The following SLC10A7 variants were observed in gnomAD, a reference collection of about 807,000 sequenced individuals.
SLC10A7 encodes the protein solute carrier family 10 member 7.
Under a neutral mutation model 43.2 loss-of-function variants are expected in SLC10A7, and 29 were observed. The observed-to-expected ratio is 0.67, with a 90% confidence interval of 0.50 to 0.92. The LOEUF (loss-of-function observed/expected upper bound fraction) is 0.92, where lower values mean the gene tolerates loss of function less well. SLC10A7 is among the 40% of genes least tolerant of loss of function. The probability of loss-of-function intolerance (pLI) is 0.00; values close to 1 mark genes in which losing one functional copy is unlikely to be tolerated. For missense variants in SLC10A7, 295 were observed against 403.2 expected (o/e 0.73, Z 2.30); for synonymous variants, 152 against 144.8 (o/e 1.05, Z -0.35).
chr4:146,495,762 A>C (rs188961087), intron 4 of SLC10A7, among the ~76,000 whole-genome samples: 29 of 106,002 alleles, frequency 2.7e-4, no homozygotes, highest in South Asian at 1.1e-3. Flanking sequence ...CGTTGATGAA[A>C]GTAAACACAC....
intron 4 of SLC10A7, among the ~76,000 whole-genome samples, chr4:146,452,066 C>T (rs1731650830): frequency 6.6e-6 from 1 of 152,034 alleles, no homozygotes; most frequent in African/African-American, 2.4e-5. Context: ...AGCCTGACAC[C>T]ACCATGTTCC....
intron 4 of SLC10A7, among the ~76,000 whole-genome samples, chr4:146,486,015 C>T (rs569956945): frequency 6.6e-6 from 1 of 152,144 alleles, no homozygotes; most frequent in East Asian, 1.9e-4. Flanking sequence ...CTTTTCCCAG[C>T]CTTATGAAGT....
intron 4 of SLC10A7, among the ~76,000 whole-genome samples, chr4:146,490,023 A>T (rs1413397761): frequency 6.7e-6 from 1 of 148,396 alleles, no homozygotes; most frequent in Admixed American, 6.7e-5. Context: ...CAAAAATTCT[A>T]TTTTTTTTTT....
chr4:146,431,850 G>C (rs1031640414), intron 5 of SLC10A7, among the ~76,000 whole-genome samples: 1 of 152,022 alleles, frequency 6.6e-6, no homozygotes. Flanking sequence ...AAAATGAAAA[G>C]ATAAGCTACA....
intron 3 of SLC10A7, among the ~76,000 whole-genome samples, chr4:146,506,972 A>C (rs1328206945): frequency 1.3e-5 from 2 of 152,218 alleles, no homozygotes; most frequent in Admixed American, 6.5e-5. Flanking sequence ...ACAAGGAAAT[A>C]TTATAAAAAT....
intron 5 of SLC10A7, among the ~76,000 whole-genome samples, chr4:146,375,044 A>T (rs759275932): frequency 6.6e-6 from 1 of 151,992 alleles, no homozygotes; most frequent in Non-Finnish European, 1.5e-5. Flanking sequence ...TGTCTCTACT[A>T]AAAAAACAAA....
At chr4:146,396,154 T>C (rs1346417866) in intron 5 of SLC10A7, among the ~76,000 whole-genome samples, 1 of 152,172 alleles carries the variant, frequency 6.6e-6, no homozygotes, top group Non-Finnish European at 1.5e-5. Flanking sequence ...CTGGTATCAT[T>C]TGACATTTTG....
chr4:146,351,667 T>G (rs1402359715), intron 5 of SLC10A7, among the ~76,000 whole-genome samples: 1 of 151,780 alleles, frequency 6.6e-6, no homozygotes, highest in Non-Finnish European at 1.5e-5. Context: ...GGGAAGCCCA[T>G]CAGACTAACA....
At chr4:146,385,923 T>G (rs980205585) in intron 5 of SLC10A7, among the ~76,000 whole-genome samples, 3 of 152,204 alleles carry the variant, frequency 2.0e-5, no homozygotes, top group African/African-American at 4.8e-5. Flanking sequence ...GCTGCAGAAG[T>G]CATGATTTCT....
chr4:146,434,783 C>T (rs1360075963), intron 5 of SLC10A7, among the ~76,000 whole-genome samples: 1 of 152,070 alleles, frequency 6.6e-6, no homozygotes, highest in Non-Finnish European at 1.5e-5. Context: ...AGGCTGGTCT[C>T]GAACTCCTGA....
intron 7 of SLC10A7, among the ~76,000 whole-genome samples, chr4:146,295,634 G>C (rs1275896296): frequency 2.0e-5 from 3 of 152,136 alleles, no homozygotes; most frequent in Non-Finnish European, 2.9e-5. Flanking sequence ...TCCATGATCA[G>C]ATATGTCACT....
At chr4:146,264,741 C>T (rs1284491312) in intron 10 of SLC10A7, among the ~76,000 whole-genome samples, 7 of 152,264 alleles carry the variant, frequency 4.6e-5, no homozygotes, top group East Asian at 3.9e-4. Flanking sequence ...ACCCAAAGTT[C>T]GGGGATCATC....
At chr4:146,406,181 C>G (rs1340197217) in intron 5 of SLC10A7, among the ~76,000 whole-genome samples, 2 of 152,026 alleles carry the variant, frequency 1.3e-5, no homozygotes, top group African/African-American at 4.8e-5. Context: ...AAAGCTACAG[C>G]CTTTCTTTCT....
At chr4:146,399,997 A>C (rs533455207) in intron 5 of SLC10A7, among the ~76,000 whole-genome samples, 1 of 152,250 alleles carries the variant, frequency 6.6e-6, no homozygotes, top group East Asian at 1.9e-4. Context: ...GATACTGTAG[A>C]CAGAGTAAAG....
At chr4:146,447,245 C>A (rs954656068) in intron 4 of SLC10A7, among the ~76,000 whole-genome samples, 8 of 152,028 alleles carry the variant, frequency 5.3e-5, no homozygotes, top group Non-Finnish European at 1.0e-4. Context: ...CCATAAATGA[C>A]CAAAAATTAG....
chr4:146,498,845 C>CA (rs1736154045), intron 4 of SLC10A7, among the ~76,000 whole-genome samples: 1 of 152,026 alleles, frequency 6.6e-6, no homozygotes. Context: ...TAACAAAAAG[C>CA]AATAAAGTTA....
chr4:146,416,615 AGGAACT>A (rs968324336), intron 5 of SLC10A7, among the ~76,000 whole-genome samples: 3 of 152,194 alleles, frequency 2.0e-5, no homozygotes, highest in Non-Finnish European at 4.4e-5. Context: ...GGTGCTTTAA[AGGAACT>A]GCACTACTTA....
chr4:146,299,749 A>C (rs1289610784), intron 7 of SLC10A7, among the ~76,000 whole-genome samples: 1 of 152,194 alleles, frequency 6.6e-6, no homozygotes, highest in African/African-American at 2.4e-5. Flanking sequence ...ATAAGGAAGT[A>C]GGGTAGGGTT....
chr4:146,423,787 G>GC (rs1364411873), intron 5 of SLC10A7, among the ~76,000 whole-genome samples: 1 of 152,146 alleles, frequency 6.6e-6, no homozygotes, highest in East Asian at 1.9e-4. Flanking sequence ...ATGTTTAAAT[G>GC]CCCATTCCTT....
Sources: allele counts gnomAD v4.1 joint callset (sites outside exome capture counted in the v4.1 genomes callset), GRCh38; gene constraint gnomAD v4.1.1; transcripts MANE v1.5; gene names NCBI Gene and HGNC (gene_info 2026-07-23, HGNC 2026-07-21).